CHMP4B: variants seen among roughly 807,000 people sequenced by gnomAD.
The protein encoded by CHMP4B is SNF7 homolog associated with Alix 1.
Under a neutral mutation model 25.1 loss-of-function variants are expected in CHMP4B, and 1 was observed. The observed-to-expected ratio is 0.04, with a 90% CI of 0.01 to 0.19. The LOEUF (loss-of-function observed/expected upper bound fraction) is 0.19. Among genes scored for constraint, CHMP4B ranks in the 10% least tolerant of loss-of-function variants. The pLI, the probability that CHMP4B is intolerant of heterozygous loss-of-function variation, is 1.00. For synonymous variants in CHMP4B, 101 were observed against 115.6 expected (o/e 0.87, Z 0.81); for missense variants, 151 against 289.7 (o/e 0.52, Z 3.48).
At chr20:33,812,726 G>T (rs2122777576) in intron 1 of CHMP4B, among the ~76,000 whole-genome samples, 1 of 152,298 alleles carries the variant, frequency 6.6e-6, no homozygotes, top group South Asian at 2.1e-4. Flanking sequence ...CTAGCAGTGC[G>T]ACCTTGAGCT....
intron 1 of CHMP4B, among the ~76,000 whole-genome samples, chr20:33,847,698 G>A (rs1057264967): frequency 3.9e-5 from 6 of 152,162 alleles, no homozygotes; most frequent in Non-Finnish European, 5.9e-5. Context: ...GTGGCAAGGA[G>A]TTCTGTCTGG....
chr20:33,820,664 C>T (rs1978913655), intron 1 of CHMP4B, among the ~76,000 whole-genome samples: 2 of 151,830 alleles, frequency 1.3e-5, no homozygotes, highest in Non-Finnish European at 2.9e-5. Flanking sequence ...GGAACTGGAA[C>T]AACTTCATTG....
At chr20:33,837,344 C>T (rs1045413343) in intron 1 of CHMP4B, among the ~76,000 whole-genome samples, 1 of 151,852 alleles carries the variant, frequency 6.6e-6, no homozygotes, top group Admixed American at 6.6e-5. Context: ...GAGCAAGACC[C>T]TGTCTTACAA....
At chr20:33,816,406 A>G (rs1978784183) in intron 1 of CHMP4B, among the ~76,000 whole-genome samples, 1 of 152,192 alleles carries the variant, frequency 6.6e-6, no homozygotes, top group South Asian at 2.1e-4. Context: ...CTTTTCTGAT[A>G]AAGTTATTGT....
intron 1 of CHMP4B, among the ~76,000 whole-genome samples, chr20:33,846,103 G>A (rs749878788): frequency 2.0e-5 from 3 of 152,138 alleles, no homozygotes; most frequent in Non-Finnish European, 4.4e-5. Context: ...ATGACTGGAC[G>A]ATCCCTCCAG....
chr20:33,844,488 G>T (rs1196264514), intron 1 of CHMP4B, among the ~76,000 whole-genome samples: 3 of 152,128 alleles, frequency 2.0e-5, no homozygotes, highest in Non-Finnish European at 4.4e-5. Context: ...GTATATTTGC[G>T]TATTTGCTTC....
Position 33,824,981 on chromosome 20 carries a change from C to G in CHMP4B, c.190+13323C>G, listed in dbSNP as rs529065238. On this transcript the variant is annotated intron_variant, in intron 1 of 4. Transcript: ENST00000217402. ...AAAGAGCAGGGCTGGGTGGAGCCTGCTAGGTACTTTTCATTCTACCCTTTT... is the reference window on the plus strand; with the variant it reads ...AAAGAGCAGGGCTGGGTGGAGCCTGGTAGGTACTTTTCATTCTACCCTTTT... Among the ~76,000 whole-genome samples, 5 of 152,220 alleles carry G rather than the reference C, an allele frequency of 3.3e-5. No homozygotes were observed. The South Asian group carries it at 1.0e-3, about 32-fold the overall frequency.
intron 1 of CHMP4B, among the ~76,000 whole-genome samples, chr20:33,846,558 G>A (rs972580606): frequency 2.0e-5 from 3 of 152,224 alleles, no homozygotes; most frequent in Non-Finnish European, 4.4e-5. Context: ...AAGACTGGCT[G>A]GGAGAAGTTT....
chr20:33,849,632 G>T (rs1212033158), intron 2 of CHMP4B, among the ~76,000 whole-genome samples: 1 of 152,070 alleles, frequency 6.6e-6, no homozygotes, highest in Admixed American at 6.5e-5. Flanking sequence ...TAAAAAATCT[G>T]CATTTGTTGT....
intron 1 of CHMP4B, among the ~76,000 whole-genome samples, chr20:33,827,224 T>C (rs1979118849): frequency 6.6e-6 from 1 of 152,238 alleles, no homozygotes; most frequent in South Asian, 2.1e-4. Flanking sequence ...TGTATGTCTT[T>C]GGACAAGTAA....
chr20:33,821,550 T>C (rs1978942277), intron 1 of CHMP4B, among the ~76,000 whole-genome samples: 1 of 152,200 alleles, frequency 6.6e-6, no homozygotes. Flanking sequence ...ACTCCTCCAG[T>C]AGGCTGAGGA....
intron 1 of CHMP4B, among the ~76,000 whole-genome samples, chr20:33,847,055 T>C (rs142962652): frequency 6.6e-6 from 1 of 151,560 alleles, no homozygotes; most frequent in East Asian, 1.9e-4. Flanking sequence ...TGAAGAAGAG[T>C]CAGATGCTTG....
intron 1 of CHMP4B, among the ~76,000 whole-genome samples, chr20:33,846,621 T>A (rs1482808405): frequency 6.6e-6 from 1 of 152,226 alleles, no homozygotes; most frequent in African/African-American, 2.4e-5. Context: ...CCGTTTTCCC[T>A]TGGCAAATGG....
intron 3 of CHMP4B, 82 bp from the exon 4 acceptor site, chr20:33,851,995 T>G: frequency 6.3e-7 from 1 of 1,580,352 alleles, no homozygotes; most frequent in Admixed American, 1.7e-5. Flanking sequence ...TGTGTCTCCA[T>G]GAGCATTAAT....
chr20:33,824,707 G>T (rs1979043761), intron 1 of CHMP4B, among the ~76,000 whole-genome samples: 1 of 152,060 alleles, frequency 6.6e-6, no homozygotes, highest in South Asian at 2.1e-4. Flanking sequence ...TTTTTTTGTT[G>T]TGTGGGACTG....
intron 1 of CHMP4B, among the ~76,000 whole-genome samples, chr20:33,815,951 C>T (rs1978772420): frequency 6.6e-6 from 1 of 152,196 alleles, no homozygotes; most frequent in South Asian, 2.1e-4. Context: ...AAAGCAGAAA[C>T]AGGCTATTCC....
chr20:33,848,431 G>A (rs779856277), intron 1 of CHMP4B, 36 bp from the exon 2 acceptor site: 41 of 1,610,582 alleles, frequency 2.5e-5, no homozygotes, highest in African/African-American at 5.3e-5. Context: ...ACCCTGTGCC[G>A]GGACTCTCTG....
chr20:33,817,582 G>T (rs1487411286), intron 1 of CHMP4B, among the ~76,000 whole-genome samples: 1 of 152,186 alleles, frequency 6.6e-6, no homozygotes, highest in Non-Finnish European at 1.5e-5. Context: ...TCTCCGAGGC[G>T]TAAAGCCAGG....
At chr20:33,813,588 A>G (rs2122778499) in intron 1 of CHMP4B, among the ~76,000 whole-genome samples, 1 of 152,284 alleles carries the variant, frequency 6.6e-6, no homozygotes, top group Non-Finnish European at 1.5e-5. Context: ...CCCTCAGTCC[A>G]GATCCTCTGT....
Sources: allele counts gnomAD v4.1 joint callset (sites outside exome capture counted in the v4.1 genomes callset), GRCh38; gene constraint gnomAD v4.1.1; transcripts MANE v1.5; gene names NCBI Gene and HGNC (gene_info 2026-07-23, HGNC 2026-07-21).